Variants in GPC5 observed in about 807,000 individuals in gnomAD.
GPC5 encodes the protein glypican 5.
In GPC5, 47 loss-of-function variants were observed where a neutral mutation model predicts 53.9. The observed-to-expected ratio is 0.87, with a 90% CI of 0.69 to 1.11. The LOEUF (loss-of-function observed/expected upper bound fraction) is 1.11. Ranked by LOEUF, GPC5 falls within the 50% of genes most tolerant of loss-of-function variation. GPC5 has a pLI of 0.00. For missense variants in GPC5, 748 were observed against 713.1 expected (o/e 1.05, Z -0.56); for synonymous variants, 286 against 263.3 (o/e 1.09, Z -0.84).
At chr13:91,705,144 TC>T (rs1369569930) in intron 3 of GPC5, among the ~76,000 whole-genome samples, 1 of 152,216 alleles carries the variant, frequency 6.6e-6, no homozygotes, top group African/African-American at 2.4e-5. Context: ...ATAGGAATTT[TC>T]AAAGTCTTCA....
chr13:92,602,264 G>GCA (rs1884103004), intron 7 of GPC5, among the ~76,000 whole-genome samples: 1 of 73,612 alleles, frequency 1.4e-5, no homozygotes, highest in Non-Finnish European at 2.9e-5. Flanking sequence ...ATATATATAT[G>GCA]CACACACACA....
At chr13:92,609,116 G>A (rs941841259) in intron 7 of GPC5, among the ~76,000 whole-genome samples, 15 of 152,066 alleles carry the variant, frequency 9.9e-5, no homozygotes, top group Non-Finnish European at 1.8e-4. Context: ...AATCTGTGTT[G>A]TCATACTACA....
chr13:91,522,746 A>T (rs191016499), intron 2 of GPC5, among the ~76,000 whole-genome samples: 162 of 152,264 alleles, frequency 1.1e-3, no homozygotes, highest in African/African-American at 3.7e-3. Flanking sequence ...ATTTCCGCCT[A>T]TGAGTGAGAA....
intron 7 of GPC5, among the ~76,000 whole-genome samples, chr13:92,591,153 T>G (rs1246468267): frequency 6.6e-6 from 1 of 152,206 alleles, no homozygotes; most frequent in Non-Finnish European, 1.5e-5. Flanking sequence ...AATCAGTTCA[T>G]CTCAGTTCAA....
At chr13:92,352,699 A>G (rs917627134) in intron 7 of GPC5, among the ~76,000 whole-genome samples, 5 of 152,224 alleles carry the variant, frequency 3.3e-5, no homozygotes, top group African/African-American at 1.2e-4. Flanking sequence ...AGTCTGGAAT[A>G]ACAATGTTGG....
chr13:92,231,985 A>G (rs1452121217), intron 7 of GPC5, among the ~76,000 whole-genome samples: 1 of 152,098 alleles, frequency 6.6e-6, no homozygotes, highest in Non-Finnish European at 1.5e-5. Flanking sequence ...AACAAAACAA[A>G]AACAAAAACA....
At chr13:92,290,987 C>T (rs1302521642) in intron 7 of GPC5, among the ~76,000 whole-genome samples, 2 of 152,120 alleles carry the variant, frequency 1.3e-5, no homozygotes, top group African/African-American at 4.8e-5. Context: ...TTGGAAGGGC[C>T]TGCCAGCCCC....
intron 4 of GPC5, among the ~76,000 whole-genome samples, chr13:91,730,532 T>C (rs773064013): frequency 2.0e-5 from 3 of 152,164 alleles, no homozygotes; most frequent in Non-Finnish European, 2.9e-5. Context: ...GGTCACTTGC[T>C]AGGTCATGGT....
chr13:92,412,347 T>C (rs1316245203), intron 7 of GPC5, among the ~76,000 whole-genome samples: 1 of 152,142 alleles, frequency 6.6e-6, no homozygotes, highest in Non-Finnish European at 1.5e-5. Flanking sequence ...ACCCTATGCC[T>C]GAGGATCTTA....
At chr13:91,747,033 C>T (rs1184946503) in intron 4 of GPC5, among the ~76,000 whole-genome samples, 1 of 152,080 alleles carries the variant, frequency 6.6e-6, no homozygotes, top group Non-Finnish European at 1.5e-5. Flanking sequence ...AAGATAAACA[C>T]CAATCTGTTA....
chr13:92,480,272 C>T (rs536779280), intron 7 of GPC5, among the ~76,000 whole-genome samples: 61 of 152,210 alleles, frequency 4.0e-4, no homozygotes, highest in Non-Finnish European at 4.4e-5. Context: ...GTCTTTTTAA[C>T]AAGCAATTTA....
rs1419209646 is a variant in GPC5, at chr13:91,430,375, C to G, written c.164-18386C>G. 3.3e-5 allele frequency among the ~76,000 whole-genome samples: 5 copies of G among 152,170 alleles called. No homozygotes were observed. In the East Asian group the frequency reaches 9.6e-4, roughly 29 times the overall value. On this transcript the variant is annotated intron_variant, in intron 1 of 7. Transcript: ENST00000377067. ...AGTTGGCTTAAACCAGTCAACATAC[C>G]TCATGTTTTGGCCATAGTGCTTGTT...
intron 7 of GPC5, among the ~76,000 whole-genome samples, chr13:92,501,527 T>C (rs936631219): frequency 1.3e-5 from 2 of 152,108 alleles, no homozygotes; most frequent in Admixed American, 6.6e-5. Flanking sequence ...GAAAAAAATA[T>C]TTAAGACATA....
intron 2 of GPC5, among the ~76,000 whole-genome samples, chr13:91,512,152 A>T (rs1885262936): frequency 1.3e-5 from 2 of 152,242 alleles, no homozygotes; most frequent in Non-Finnish European, 2.9e-5. Flanking sequence ...AGATTCCATC[A>T]TCGCAACTCC....
intron 2 of GPC5, among the ~76,000 whole-genome samples, chr13:91,457,369 T>TA (rs1196253843): frequency 1.3e-5 from 2 of 152,150 alleles, no homozygotes; most frequent in African/African-American, 4.8e-5. Flanking sequence ...AATGATACTA[T>TA]AAAAAATATC....
At chr13:92,452,939 C>T (rs759991106) in intron 7 of GPC5, among the ~76,000 whole-genome samples, 4 of 152,172 alleles carry the variant, frequency 2.6e-5, no homozygotes, top group Non-Finnish European at 5.9e-5. Flanking sequence ...AATTACTTGC[C>T]GAGGGACAGA....
At chr13:92,609,364 T>A (rs552414245) in intron 7 of GPC5, among the ~76,000 whole-genome samples, 2 of 152,320 alleles carry the variant, frequency 1.3e-5, no homozygotes, top group South Asian at 4.1e-4. Context: ...ACTACCTCCT[T>A]TCTTTTCAGT....
At chr13:92,409,745 G>A (rs944337004) in intron 7 of GPC5, among the ~76,000 whole-genome samples, 2 of 152,014 alleles carry the variant, frequency 1.3e-5, no homozygotes, top group African/African-American at 4.8e-5. Flanking sequence ...CTGAAGAATT[G>A]TATATTCTGT....
At chr13:92,461,454 G>T (rs1360825420) in intron 7 of GPC5, among the ~76,000 whole-genome samples, 1 of 152,140 alleles carries the variant, frequency 6.6e-6, no homozygotes, top group Non-Finnish European at 1.5e-5. Flanking sequence ...TCAGGAAAAA[G>T]TAATACGGAT....
Sources: gnomAD v4.1 joint callset for allele counts (sites outside exome capture counted in the v4.1 genomes callset) on GRCh38, gnomAD v4.1.1 for gene constraint, MANE v1.5 for transcripts, NCBI Gene and HGNC (gene_info 2026-07-23, HGNC 2026-07-21) for gene names.